ERBIN: variants seen among roughly 807,000 people sequenced by gnomAD.
ERBIN encodes densin-180-like protein.
Under a neutral mutation model 158.4 loss-of-function variants are expected in ERBIN, and 60 were observed. That is an observed-to-expected ratio of 0.38 (90% CI 0.31 to 0.47). The LOEUF is 0.47. Among genes scored for constraint, ERBIN ranks in the 20% least tolerant of loss-of-function variants. ERBIN has a pLI of 0.99. For synonymous variants in ERBIN, 594 were observed against 557.2 expected (o/e 1.07, Z -0.93); for missense variants, 1,610 against 1,648.0 (o/e 0.98, Z 0.40).
At chr5:66,029,185 G>A (rs1756588024) in intron 14 of ERBIN, among the ~76,000 whole-genome samples, 1 of 152,102 alleles carries the variant, frequency 6.6e-6, no homozygotes, top group African/African-American at 2.4e-5. Flanking sequence ...GAGATTGCTG[G>A]ATTATATGAT....
At chr5:65,942,882 T>C (rs1745233326) in intron 1 of ERBIN, among the ~76,000 whole-genome samples, 1 of 148,270 alleles carries the variant, frequency 6.7e-6, no homozygotes, top group Admixed American at 6.8e-5. Flanking sequence ...CACTCCAGCC[T>C]GGGTGACAGA....
intron 19 of ERBIN, among the ~76,000 whole-genome samples, chr5:66,049,476 G>A (rs1296353339): frequency 3.3e-5 from 5 of 151,966 alleles, no homozygotes; most frequent in Admixed American, 1.3e-4. Context: ...AATTGCTTAG[G>A]TACTATACTA....
At chr5:65,972,135 G>A (rs1273806209) in intron 1 of ERBIN, among the ~76,000 whole-genome samples, 1 of 151,756 alleles carries the variant, frequency 6.6e-6, no homozygotes, top group African/African-American at 2.4e-5. Flanking sequence ...CATTTTTGGG[G>A]GATATTTATT....
At chr5:66,059,695 A>G (rs574696864) in intron 21 of ERBIN, among the ~76,000 whole-genome samples, 7 of 152,302 alleles carry the variant, frequency 4.6e-5, no homozygotes, top group Admixed American at 6.5e-5. Context: ...AGCTCTTACT[A>G]TTTTGAGATA....
rs114728581 is a variant in ERBIN, at chr5:65,982,909, T to G, written c.-57-5726T>G. 1.8e-3 allele frequency among the ~76,000 whole-genome samples: 277 copies of G among 152,300 alleles called. 2 individuals carry two copies. The highest frequency in any genetic ancestry group is 6.4e-3 in the African/African-American group (267 of 41,570). On this transcript the variant is annotated intron_variant, in intron 1 of 25. Coordinates refer to ENST00000284037, the MANE Select transcript of ERBIN (RefSeq NM_001253697.2). ...AGGACAGGCTGTCTTGGTCAGGATG[T>G]TGACTGGGAAGGGGCAAGTGTGAAC...
At chr5:66,003,185 G>C (rs549940744) in intron 4 of ERBIN, among the ~76,000 whole-genome samples, 33 of 152,294 alleles carry the variant, frequency 2.2e-4, no homozygotes, top group African/African-American at 7.9e-4. Context: ...TGGAGTGCAG[G>C]AACAGTAAGG....
chr5:66,081,458 G>A lies in ERBIN; in HGVS notation c.*2928G>A, dbSNP rs1271896468. The A allele has an allele frequency of 6.6e-6, 1 of 152,054 alleles. No homozygotes were observed. The highest frequency in any genetic ancestry group is 6.5e-5 in the Admixed American group (1 of 15,272). The allele number at this position is 152,054 out of a possible 1,614,324, so 9.4% of individuals were successfully genotyped here. A position where few individuals can be genotyped will look rare whatever the true frequency, so the allele number is the denominator to read the frequency against. ...CTTAAAAAATCCCATTAGCAGCTAT[G>A]TAATATTTTTATCAACCAACATTTA... On this transcript the variant is annotated 3_prime_UTR_variant, in exon 26 of 26. Transcript: ENST00000284037.
chr5:66,022,879 T>A (rs1211248249), intron 8 of ERBIN: 2 of 153,710 alleles, frequency 1.3e-5, no homozygotes, highest in African/African-American at 4.8e-5. Context: ...ACATTTGTAA[T>A]TTTTCTGTTT....
At chr5:66,044,499 T>C (rs1311922218) in intron 17 of ERBIN, among the ~76,000 whole-genome samples, 189 bp downstream of exon 17, 1 of 151,808 alleles carries the variant, frequency 6.6e-6, no homozygotes, top group Admixed American at 6.6e-5. Flanking sequence ...GCGTGGTGGC[T>C]CACACCTCTA....
At chr5:66,021,269 TC>T in intron 7 of ERBIN, 52 bp from the exon 8 acceptor site, 1 of 1,159,860 alleles carries the variant, frequency 8.6e-7, no homozygotes, top group South Asian at 1.4e-5. Context: ...TTTGAAAGCT[TC>T]CATGTAATTG....
intron 1 of ERBIN, among the ~76,000 whole-genome samples, chr5:65,969,804 A>T (rs1012393205): frequency 6.6e-6 from 1 of 152,214 alleles, no homozygotes; most frequent in Non-Finnish European, 1.5e-5. Context: ...TTCTAGGAAC[A>T]GTAGTTTCAG....
At chr5:66,043,239 G>A in intron 16 of ERBIN, 41 bp downstream of exon 16, 1 of 1,598,370 alleles carries the variant, frequency 6.3e-7, no homozygotes, top group East Asian at 2.2e-5. Context: ...AAACAAGTCT[G>A]CTGATATTTA....
intron 1 of ERBIN, among the ~76,000 whole-genome samples, chr5:65,962,632 T>C (rs891353265): frequency 1.8e-4 from 27 of 152,164 alleles, no homozygotes. Context: ...TAAATTATTT[T>C]CCCCCTCTTT....
At chr5:66,024,608 T>C (rs1207077501) in intron 10 of ERBIN, among the ~76,000 whole-genome samples, 158 bp downstream of exon 10, 1 of 152,200 alleles carries the variant, frequency 6.6e-6, no homozygotes, top group Non-Finnish European at 1.5e-5. Context: ...TACAGTTTGC[T>C]CCTTTGTTGA....
intron 2 of ERBIN, among the ~76,000 whole-genome samples, chr5:65,989,490 A>G (rs545245859): frequency 2.0e-5 from 3 of 152,306 alleles, no homozygotes; most frequent in Admixed American, 2.0e-4. Context: ...TTAGCTTCCT[A>G]GAGCCCAATC....
At chr5:66,044,616 T>G (rs1210908472) in intron 17 of ERBIN, among the ~76,000 whole-genome samples, 1 of 150,962 alleles carries the variant, frequency 6.6e-6, no homozygotes, top group Non-Finnish European at 1.5e-5. Context: ...AGTACAAAAA[T>G]TAGCTGGGCG....
In ERBIN at chr5:66,063,889, TAAAAC is replaced by T. The variant is rs1760725636; in HGVS notation, c.3634-8279_3634-8275del. ...ATACACACTTATATACGTACACACA[TAAAAC>T]TAACAAAAATAGAAATTTCAATGGA... On this transcript the variant is annotated intron_variant, in intron 21 of 25. Transcript: ENST00000284037. Among the ~76,000 whole-genome samples, 3 of 152,172 alleles carry T rather than the reference TAAAAC, an allele frequency of 2.0e-5. No individual in the cohort carries two copies. The South Asian group carries it at 6.2e-4, about 31-fold the overall frequency.
chr5:65,965,754 C>T (rs548015568), intron 1 of ERBIN, among the ~76,000 whole-genome samples: 364 of 152,314 alleles, frequency 2.4e-3, no homozygotes, highest in Non-Finnish European at 4.3e-3. Flanking sequence ...TGAAGTTGCT[C>T]TTCCTCTGAT....
At chr5:65,942,863 AC>A (rs1322348958) in intron 1 of ERBIN, among the ~76,000 whole-genome samples, 21 of 151,380 alleles carry the variant, frequency 1.4e-4, no homozygotes, top group Non-Finnish European at 2.9e-4. Flanking sequence ...AGCTGAGGTC[AC>A]GCCAGTGCAC....
Sources: gnomAD v4.1 joint callset for allele counts (sites outside exome capture counted in the v4.1 genomes callset) on GRCh38, gnomAD v4.1.1 for gene constraint, MANE v1.5 for transcripts, NCBI Gene and HGNC (gene_info 2026-07-23, HGNC 2026-07-21) for gene names.